Variants in GRID1 observed in about 807,000 individuals in gnomAD.
GRID1 encodes glutamate receptor ionotropic, delta-1.
Under a neutral mutation model 98.0 loss-of-function variants are expected in GRID1, and 28 were observed. That is an observed-to-expected ratio of 0.29 (90% CI 0.21 to 0.39). GRID1 has a LOEUF of 0.39. Ranked by LOEUF, GRID1 falls within the 10% of genes least tolerant of loss-of-function variation. The pLI is 1.00. For synonymous variants in GRID1, 553 were observed against 538.5 expected (o/e 1.03, Z -0.37); for missense variants, 1,111 against 1,340.5 (o/e 0.83, Z 2.67).
chr10:86,191,560 G>A (rs1845802980), intron 3 of GRID1, among the ~76,000 whole-genome samples: 1 of 151,906 alleles, frequency 6.6e-6, no homozygotes, highest in Admixed American at 6.6e-5. Flanking sequence ...GAGAAGCATG[G>A]TCAGGAGACT....
chr10:85,935,189 T>A (rs1386602222), intron 4 of GRID1, among the ~76,000 whole-genome samples: 1 of 152,168 alleles, frequency 6.6e-6, no homozygotes, highest in Non-Finnish European at 1.5e-5. Context: ...ATGCTGGAGA[T>A]GTTTCCTTAT....
At chr10:86,125,282 C>T (rs746687776) in intron 4 of GRID1, among the ~76,000 whole-genome samples, 122 of 152,366 alleles carry the variant, frequency 8.0e-4, no homozygotes, top group Non-Finnish European at 1.5e-3. Context: ...CTCCCCACCT[C>T]AGCACAGAGA....
chr10:86,234,006 CTG>C (rs1846497379), intron 2 of GRID1, among the ~76,000 whole-genome samples: 1 of 152,100 alleles, frequency 6.6e-6, no homozygotes, highest in South Asian at 2.1e-4. Flanking sequence ...GCTGGGTTGA[CTG>C]TGGCTGCACT....
chr10:85,959,817 C>T (rs932296433), intron 4 of GRID1, among the ~76,000 whole-genome samples: 5 of 151,900 alleles, frequency 3.3e-5, no homozygotes, highest in African/African-American at 9.7e-5. Flanking sequence ...TTTGCTTTTT[C>T]GATTAAAGCT....
intron 4 of GRID1, among the ~76,000 whole-genome samples, chr10:85,941,833 A>C (rs1326172132): frequency 6.6e-6 from 1 of 152,204 alleles, no homozygotes; most frequent in African/African-American, 2.4e-5. Flanking sequence ...ACGTAATTTT[A>C]AGCAATGGAA....
At chr10:86,223,620 C>T (rs932326058) in intron 2 of GRID1, among the ~76,000 whole-genome samples, 8 of 152,236 alleles carry the variant, frequency 5.3e-5, no homozygotes, top group Admixed American at 3.9e-4. Context: ...CTGAGGCCTA[C>T]CTCTGCACTG....
At chr10:85,749,901 T>C (rs941984145) in intron 8 of GRID1, among the ~76,000 whole-genome samples, 1 of 152,228 alleles carries the variant, frequency 6.6e-6, no homozygotes, top group Non-Finnish European at 1.5e-5. Context: ...TGTATTCCTA[T>C]TGTAGTTTTC....
chr10:85,844,420 T>TAC (rs55706189), intron 8 of GRID1, among the ~76,000 whole-genome samples: 11,144 of 133,604 alleles, frequency 0.083, 611 homozygotes, highest in African/African-American at 0.16. Flanking sequence ...TACAACTAAA[T>TAC]ACACACACAC....
chr10:86,169,448 G>A (rs1401604186), intron 3 of GRID1, among the ~76,000 whole-genome samples: 1 of 152,220 alleles, frequency 6.6e-6, no homozygotes, highest in East Asian at 1.9e-4. Context: ...TAAGCATGGA[G>A]TTAGGACGCC....
chr10:86,031,731 C>T (rs1043053230), intron 4 of GRID1, among the ~76,000 whole-genome samples: 22 of 152,216 alleles, frequency 1.4e-4, no homozygotes, highest in African/African-American at 5.1e-4. Flanking sequence ...TTCTTCACAG[C>T]AGCTCTGCTC....
intron 3 of GRID1, among the ~76,000 whole-genome samples, chr10:86,151,816 G>A (rs11599307): frequency 0.066 from 9,978 of 152,238 alleles, 384 homozygotes; most frequent in Middle Eastern, 0.18. Flanking sequence ...CGGGATCTGC[G>A]CTGGTGGGGA....
At chr10:85,965,502 T>C (rs1357429314) in intron 4 of GRID1, among the ~76,000 whole-genome samples, 2 of 152,158 alleles carry the variant, frequency 1.3e-5, no homozygotes, top group Non-Finnish European at 2.9e-5. Flanking sequence ...TGGATGACAC[T>C]GGAAACCATC....
chr10:85,741,529 G>A (rs760205611), intron 8 of GRID1, among the ~76,000 whole-genome samples: 12 of 151,926 alleles, frequency 7.9e-5, no homozygotes, highest in African/African-American at 1.5e-4. Context: ...CAGTAAAGTC[G>A]GAGAAGAACA....
At chr10:85,981,378 A>T (rs1158042221) in intron 4 of GRID1, among the ~76,000 whole-genome samples, 1 of 152,204 alleles carries the variant, frequency 6.6e-6, no homozygotes, top group Admixed American at 6.5e-5. Flanking sequence ...GCCTTCGCAG[A>T]TCATCAGCCT....
intron 12 of GRID1, among the ~76,000 whole-genome samples, chr10:85,675,006 A>C (rs1186744146): frequency 3.3e-5 from 5 of 152,192 alleles, no homozygotes; most frequent in Non-Finnish European, 7.3e-5. Context: ...TCAGTGCACT[A>C]TCAATAGCTT....
chr10:85,634,724 A>C (rs1843016232), intron 13 of GRID1, among the ~76,000 whole-genome samples: 1 of 152,196 alleles, frequency 6.6e-6, no homozygotes, highest in Admixed American at 6.5e-5. Flanking sequence ...CATTATGCCA[A>C]TAAAGTGGAA....
At chr10:85,926,867 A>G (rs1333588302) in intron 4 of GRID1, among the ~76,000 whole-genome samples, 3 of 152,224 alleles carry the variant, frequency 2.0e-5, no homozygotes, top group Admixed American at 2.0e-4. Flanking sequence ...CAATTAGACA[A>G]AATTAGCCAT....
intron 2 of GRID1, among the ~76,000 whole-genome samples, chr10:86,354,654 C>T (rs1324535887): frequency 6.6e-6 from 1 of 152,212 alleles, no homozygotes; most frequent in African/African-American, 2.4e-5. Flanking sequence ...GGAACTGAAC[C>T]CACACCTTTC....
chr10:85,636,186 G>A (rs1176578907), intron 13 of GRID1, among the ~76,000 whole-genome samples: 1 of 152,076 alleles, frequency 6.6e-6, no homozygotes, highest in African/African-American at 2.4e-5. Context: ...GAAGACCCCG[G>A]GTAAAATAAG....
Sources: gnomAD v4.1 joint callset for allele counts (sites outside exome capture counted in the v4.1 genomes callset) on GRCh38, gnomAD v4.1.1 for gene constraint, MANE v1.5 for transcripts, NCBI Gene and HGNC (gene_info 2026-07-23, HGNC 2026-07-21) for gene names.